Variants in MLLT3 observed in about 807,000 individuals in gnomAD.
The protein encoded by MLLT3 is protein AF-9.
Under a neutral mutation model 53.2 loss-of-function variants are expected in MLLT3, and 4 were observed. The ratio of observed to expected loss-of-function variants is 0.08; its 90% CI spans 0.04 to 0.17. The LOEUF is 0.17. Among genes scored for constraint, MLLT3 ranks in the 10% least tolerant of loss-of-function variants. The pLI is 1.00. For synonymous variants in MLLT3, 283 were observed against 230.6 expected, an observed-to-expected ratio of 1.23 and a Z score of -2.06; for missense variants, 569 against 684.0, an observed-to-expected ratio of 0.83 and a Z score of 1.87.
intron 3 of MLLT3, among the ~76,000 whole-genome samples, chr9:20,453,382 G>A (rs1396413462): frequency 6.6e-6 from 1 of 152,088 alleles, no homozygotes; most frequent in Non-Finnish European, 1.5e-5. Flanking sequence ...GCAACATGGT[G>A]AAACCCTGTC....
At chr9:20,433,201 G>A (rs892821841) in intron 4 of MLLT3, among the ~76,000 whole-genome samples, 1 of 152,104 alleles carries the variant, frequency 6.6e-6, no homozygotes, top group Admixed American at 6.6e-5. Flanking sequence ...TGAATTCAGA[G>A]CAGGGACAAG....
At chr9:20,611,271 T>C (rs1261071585) in intron 2 of MLLT3, among the ~76,000 whole-genome samples, 4 of 152,212 alleles carry the variant, frequency 2.6e-5, no homozygotes, top group African/African-American at 9.6e-5. Flanking sequence ...TAAAAACCTA[T>C]CTGCAAAAAT....
chr9:20,362,706 C>CTTTTTTTTTTTTT (rs989895694), intron 7 of MLLT3: 59 of 99,662 alleles, frequency 5.9e-4, no homozygotes, highest in East Asian at 3.6e-3. Flanking sequence ...GTTAAGACCG[C>CTTTTTTTTTTTTT]TTTTTTTTTT....
chr9:20,401,127 T>C (rs367885720), intron 5 of MLLT3, among the ~76,000 whole-genome samples: 34 of 152,048 alleles, frequency 2.2e-4, no homozygotes, highest in Non-Finnish European at 3.7e-4. Context: ...TGAAATAAGA[T>C]CTGAGGGAAA....
intron 5 of MLLT3, among the ~76,000 whole-genome samples, chr9:20,369,157 A>G (rs1294356073): frequency 6.6e-6 from 1 of 152,168 alleles, no homozygotes; most frequent in African/African-American, 2.4e-5. Context: ...GCTGATGAGA[A>G]CCACTGATCG....
intron 2 of MLLT3, among the ~76,000 whole-genome samples, chr9:20,573,124 T>G (rs1401245994): frequency 1.0e-4 from 1 of 10,016 alleles, no homozygotes; most frequent in Non-Finnish European, 5.9e-4. Flanking sequence ...ACAGGAGAAC[T>G]TTTTTTTTTT....
rs964257782 is a variant in MLLT3 at position 20,414,008 on chromosome 9, C to T, written c.838G>A (p.Ala280Thr). The part of the protein sequence containing the change: ...LTITSGQDKK[A>T]PSKRPPISDS... ...GAAATGGGCGGCCTTTTACTAGGAGCCTTCTTATCTTGTCCACTGGTGATG... is the reference window on the plus strand; with the variant it reads ...GAAATGGGCGGCCTTTTACTAGGAGTCTTCTTATCTTGTCCACTGGTGATG... Residue 280 changes from alanine (A) to threonine (T), a missense_variant, in exon 5 of 11, where the codon GCT becomes ACT. This residue lies in a region of MLLT3 where 437 missense variants were observed against 376.5 expected (regional missense o/e 1.16). Coordinates refer to ENST00000380338, the MANE Select transcript of MLLT3 (RefSeq NM_004529.4). The T allele has an allele frequency of 1.2e-6, 2 of 1,613,974 alleles. No individual in the cohort carries two copies. Among genetic ancestry groups the T allele is most frequent in the Non-Finnish European group, 1.7e-6 (2 of 1,180,030 alleles).
Position 20,376,376 on chromosome 9 carries a change from G to T in MLLT3, c.1126-10632C>A, listed in dbSNP as rs566054793. Among the ~76,000 whole-genome samples the T allele has an allele frequency of 4.6e-5, 7 of 152,274 alleles. 1 individual carries two copies. Among genetic ancestry groups the T allele is most frequent in the African/African-American group, 1.7e-4 (7 of 41,552 alleles). On this transcript the variant is annotated intron_variant, in intron 5 of 10. Coordinates refer to ENST00000380338, the MANE Select transcript of MLLT3 (RefSeq NM_004529.4). ...CCATCATTTTCTGATGATAGAGCAAGATCCTGAGAATTACCCTCTCAACTG... is the reference window on the plus strand; with the variant it reads ...CCATCATTTTCTGATGATAGAGCAATATCCTGAGAATTACCCTCTCAACTG...
At chr9:20,615,874 G>GAAAAA (rs10579863) in intron 2 of MLLT3, among the ~76,000 whole-genome samples, 2 of 132,614 alleles carry the variant, frequency 1.5e-5, no homozygotes, top group Non-Finnish European at 3.2e-5. Flanking sequence ...AAAGAGATTT[G>GAAAAA]AAAAAAAAAA....
At chr9:20,544,298 G>T (rs536688209) in intron 2 of MLLT3, among the ~76,000 whole-genome samples, 1 of 152,312 alleles carries the variant, frequency 6.6e-6, no homozygotes, top group African/African-American at 2.4e-5. Context: ...CGAAGCAAAA[G>T]TAGACTAATG....
At chr9:20,575,499 T>A (rs970876221) in intron 2 of MLLT3, among the ~76,000 whole-genome samples, 2 of 152,194 alleles carry the variant, frequency 1.3e-5, no homozygotes, top group Non-Finnish European at 2.9e-5. Context: ...ACATTCATAA[T>A]GAATTTCTTA....
chr9:20,438,830 G>A lies in MLLT3; in HGVS notation c.420+9293C>T, dbSNP rs537218491. On this transcript the variant is annotated intron_variant, in intron 4 of 10. Transcript: ENST00000380338. Reference sequence around the variant, plus strand: ...GTCACCACAAGTTCATGTAAAGGCTGATATTTGTAAGGCCAACTAAATTTT... The same window carrying A: ...GTCACCACAAGTTCATGTAAAGGCTAATATTTGTAAGGCCAACTAAATTTT... Among the ~76,000 whole-genome samples, 5 of 152,226 alleles carry A rather than the reference G, an allele frequency of 3.3e-5. No homozygotes were observed. In the South Asian group the frequency reaches 1.0e-3, roughly 32 times the overall value.
intron 5 of MLLT3, among the ~76,000 whole-genome samples, chr9:20,385,043 T>C (rs1822001084): frequency 6.6e-6 from 1 of 152,104 alleles, no homozygotes; most frequent in South Asian, 2.1e-4. Flanking sequence ...AGACTCAGAC[T>C]GAAAAGTTAC....
intron 5 of MLLT3, among the ~76,000 whole-genome samples, chr9:20,407,651 A>G (rs1483352540): frequency 1.3e-5 from 2 of 152,330 alleles, no homozygotes; most frequent in East Asian, 3.9e-4. Flanking sequence ...CCTCTTAGGT[A>G]GGTACACTAC....
chr9:20,496,737 G>A (rs1219813236), intron 2 of MLLT3, among the ~76,000 whole-genome samples: 4 of 152,280 alleles, frequency 2.6e-5, no homozygotes, highest in East Asian at 1.9e-4. Flanking sequence ...GCCAAAAATC[G>A]TCATGGTTAC....
chr9:20,481,875 G>A (rs557021187), intron 2 of MLLT3, among the ~76,000 whole-genome samples: 1 of 152,170 alleles, frequency 6.6e-6, no homozygotes, highest in Non-Finnish European at 1.5e-5. Flanking sequence ...ACCTTACTTA[G>A]CATTCAAGAA....
At position 20,398,693 on chromosome 9, in the gene MLLT3, T is replaced by A. The variant is rs779507415; in HGVS notation, c.1125+15028A>T. 2.0e-5 allele frequency among the ~76,000 whole-genome samples: 3 copies of A among 152,040 alleles called. No individual in the cohort carries two copies. In the East Asian group the frequency reaches 5.8e-4, roughly 29 times the overall value. ...GCCCCTGCACAGCCCCTATAGGAAA[T>A]AGGGAGGCAGAAATTTCTTTCACTG... is the stretch of plus-strand genomic sequence containing the variant. On this transcript the variant is annotated intron_variant, in intron 5 of 10. Coordinates refer to ENST00000380338, the MANE Select transcript of MLLT3 (RefSeq NM_004529.4).
chr9:20,350,527 G>A (rs912246021), intron 10 of MLLT3, among the ~76,000 whole-genome samples: 54 of 146,568 alleles, frequency 3.7e-4, no homozygotes, highest in African/African-American at 1.2e-3. Context: ...CCCGGGAGGC[G>A]GAGCTTGCAG....
At chr9:20,412,804 T>G (rs1563955838) in intron 5 of MLLT3, among the ~76,000 whole-genome samples, 1 of 152,176 alleles carries the variant, frequency 6.6e-6, no homozygotes, top group Non-Finnish European at 1.5e-5. Flanking sequence ...GGAGATAACT[T>G]CAAAGTAATG....
Sources: allele counts gnomAD v4.1 joint callset (sites outside exome capture counted in the v4.1 genomes callset), GRCh38; gene constraint gnomAD v4.1.1; regional missense constraint gnomAD v4.1.1; transcripts MANE v1.5; gene names NCBI Gene and HGNC (gene_info 2026-07-23, HGNC 2026-07-21).